Variants in SYT2 observed in about 807,000 individuals in gnomAD.
The protein encoded by SYT2 is synaptotagmin-2.
SYT2 carries 15 observed loss-of-function variants against 39.9 expected under a neutral mutation model. The observed-to-expected ratio is 0.38, with a 90% CI of 0.25 to 0.58. The LOEUF (loss-of-function observed/expected upper bound fraction) is 0.58, where lower values mean the gene tolerates loss of function less well. Ranked by LOEUF, SYT2 falls within the 20% of genes least tolerant of loss-of-function variation. SYT2 has a pLI of 0.70. For synonymous variants in SYT2, 181 were observed against 204.5 expected, an observed-to-expected ratio of 0.89 and a Z score of 0.98; for missense variants, 389 against 530.3, an observed-to-expected ratio of 0.73 and a Z score of 2.62.
chr1:202,647,248 G>C (rs1216155601), intron 1 of SYT2, among the ~76,000 whole-genome samples: 2 of 152,226 alleles, frequency 1.3e-5, no homozygotes, highest in African/African-American at 4.8e-5. Context: ...GAGCTGTCCT[G>C]GAACTCTGGG....
intron 8 of SYT2, 47 bp from the exon 9 acceptor site, chr1:202,597,010 C>A (rs767137685): frequency 6.5e-7 from 1 of 1,547,974 alleles, no homozygotes; most frequent in Non-Finnish European, 8.9e-7. Flanking sequence ...GACGTGGGAT[C>A]CCATGACCAA....
intron 1 of SYT2, among the ~76,000 whole-genome samples, chr1:202,707,020 C>A (rs1468073083): frequency 6.6e-6 from 1 of 152,170 alleles, no homozygotes; most frequent in East Asian, 1.9e-4. Flanking sequence ...ATGATGAATT[C>A]TTTATGTAAT....
intron 1 of SYT2, among the ~76,000 whole-genome samples, chr1:202,652,106 C>T (rs1209751114): frequency 6.6e-6 from 1 of 152,202 alleles, no homozygotes; most frequent in Non-Finnish European, 1.5e-5. Flanking sequence ...GCCAATCATT[C>T]AACTATCTCT....
intron 1 of SYT2, among the ~76,000 whole-genome samples, chr1:202,655,195 T>C (rs1692258831): frequency 6.6e-6 from 1 of 152,108 alleles, no homozygotes; most frequent in Non-Finnish European, 1.5e-5. Flanking sequence ...GGCTGAAGAT[T>C]CACATTTGTG....
intron 1 of SYT2, among the ~76,000 whole-genome samples, chr1:202,618,957 TG>T (rs1210878571): frequency 6.6e-6 from 1 of 152,144 alleles, no homozygotes; most frequent in Non-Finnish European, 1.5e-5. Context: ...CCTGGAGGCC[TG>T]GAGAAGTGAA....
At position 202,590,665 on chromosome 1, in the gene SYT2, G is replaced by C. The variant is rs932659791; in HGVS notation, c.*6092C>G. ...AAAATAACAATTTGACAAGAGATCA[G>C]ACAAGAACAAGAGTCCACATAAGGG... On this transcript the variant is annotated 3_prime_UTR_variant, in exon 9 of 9. Transcript: ENST00000367268. The C allele has an allele frequency of 6.6e-6, 1 of 151,068 alleles. No homozygotes were observed. Among genetic ancestry groups the C allele is most frequent in the Non-Finnish European group, 1.5e-5 (1 of 67,920 alleles). 9.4% of individuals were successfully genotyped at this position (151,068 alleles called of 1,614,324 possible). A position where few individuals can be genotyped will look rare whatever the true frequency, so the allele number is the denominator to read the frequency against.
At chr1:202,648,554 A>G (rs1454217739) in intron 1 of SYT2, among the ~76,000 whole-genome samples, 1 of 152,208 alleles carries the variant, frequency 6.6e-6, no homozygotes, top group African/African-American at 2.4e-5. Flanking sequence ...TGGACCAGAC[A>G]GTTTATATAT....
intron 1 of SYT2, among the ~76,000 whole-genome samples, chr1:202,651,426 G>A (rs1358151843): frequency 6.6e-6 from 1 of 152,112 alleles, no homozygotes. Context: ...TATCCAGGAG[G>A]AAATGTCCAG....
rs1690431020 is a variant in SYT2, at chr1:202,599,741, G to C, written c.920-390C>G. ...CTAATCTTGCAGACAAGAAACTGAG[G>C]CCAAAGAACGGAAATGACCTGCCCG... On this transcript the variant is annotated intron_variant, in intron 7 of 8. Transcript: ENST00000367268. The surrounding 1 kb of genome is among the most constrained non-coding windows in gnomAD (Gnocchi z 4.4). 6.6e-6 allele frequency among the ~76,000 whole-genome samples: 1 copy of C among 152,130 alleles called. No individual in the cohort carries two copies. Among genetic ancestry groups the C allele is most frequent in the Admixed American group, 6.5e-5 (1 of 15,274 alleles).
chr1:202,669,422 C>G (rs1470900778), intron 1 of SYT2, among the ~76,000 whole-genome samples: 1 of 151,708 alleles, frequency 6.6e-6, no homozygotes, highest in African/African-American at 2.4e-5. Flanking sequence ...GAGGCCGAGG[C>G]GGGTGGATCA....
At chr1:202,658,548 G>T (rs1455578414) in intron 1 of SYT2, among the ~76,000 whole-genome samples, 1 of 152,106 alleles carries the variant, frequency 6.6e-6, no homozygotes, top group Admixed American at 6.5e-5. Flanking sequence ...GCCAGAGGGG[G>T]TAAGAAGACT....
intron 4 of SYT2, 142 bp downstream of exon 4, chr1:202,602,857 G>A (rs1690560364): frequency 3.8e-6 from 4 of 1,059,774 alleles, no homozygotes; most frequent in Non-Finnish European, 5.5e-6. Context: ...AGAGCTATAG[G>A]CCCTGCAGTT....
chr1:202,664,115 G>A (rs1438823333), intron 1 of SYT2, among the ~76,000 whole-genome samples: 1 of 152,026 alleles, frequency 6.6e-6, no homozygotes, highest in Admixed American at 6.6e-5. Context: ...CCTGAACCCC[G>A]GCTTCCCCAA....
At chr1:202,669,806 C>T (rs1197813289) in intron 1 of SYT2, among the ~76,000 whole-genome samples, 2 of 151,560 alleles carry the variant, frequency 1.3e-5, no homozygotes, top group Middle Eastern at 6.3e-3. Flanking sequence ...TAATAGATTT[C>T]AAGACCATAG....
intron 4 of SYT2, 128 bp from the exon 5 acceptor site, chr1:202,602,673 C>T: frequency 1.1e-6 from 1 of 942,286 alleles, no homozygotes; most frequent in Non-Finnish European, 1.6e-6. Context: ...TGGCGGGAGG[C>T]TGGTGCTAGA....
chr1:202,633,059 T>C (rs1157922228), intron 1 of SYT2: 4 of 152,246 alleles, frequency 2.6e-5, no homozygotes, highest in African/African-American at 9.7e-5. Context: ...GGCTGTGCAG[T>C]TGGAAGATGC....
chr1:202,645,250 G>A (rs1437384544), intron 1 of SYT2, among the ~76,000 whole-genome samples: 6 of 152,170 alleles, frequency 3.9e-5, no homozygotes, highest in African/African-American at 1.4e-4. Flanking sequence ...CCCCCACCTC[G>A]TCATCCCACA....
chr1:202,645,535 G>A (rs1692062911), intron 1 of SYT2, among the ~76,000 whole-genome samples: 1 of 152,210 alleles, frequency 6.6e-6, no homozygotes, highest in Admixed American at 6.5e-5. Flanking sequence ...GTGCTGCTTA[G>A]ATGAAAAGGG....
At chr1:202,642,429 G>A (rs1287749846) in intron 1 of SYT2, among the ~76,000 whole-genome samples, 1 of 152,030 alleles carries the variant, frequency 6.6e-6, no homozygotes, top group Non-Finnish European at 1.5e-5. Context: ...ATTCAGAGAG[G>A]TGCAGTAGCT....
Sources: gnomAD v4.1 joint callset for allele counts (sites outside exome capture counted in the v4.1 genomes callset) on GRCh38, gnomAD v4.1.1 for gene constraint, Gnocchi (gnomAD v3.1) non-coding constraint, MANE v1.5 for transcripts, NCBI Gene and HGNC (gene_info 2026-07-23, HGNC 2026-07-21) for gene names.